Variants in CLYBL observed in about 807,000 individuals in gnomAD.
The protein encoded by CLYBL is citramalyl-CoA lyase, also known as citramalyl-CoA lyase, mitochondrial.
Under a neutral mutation model 38.9 loss-of-function variants are expected in CLYBL, and 31 were observed. The ratio of observed to expected loss-of-function variants is 0.80; its 90% CI spans 0.60 to 1.08. The LOEUF is 1.08. Among genes scored for constraint, CLYBL ranks in the 50% least tolerant of loss-of-function variants. CLYBL has a pLI of 0.00. For missense variants in CLYBL, 434 were observed against 411.6 expected, an observed-to-expected ratio of 1.05 and a Z score of -0.47; for synonymous variants, 171 against 158.6, an observed-to-expected ratio of 1.08 and a Z score of -0.59.
chr13:99,897,679 C>T (rs966091066), downstream of CLYBL, among the ~76,000 whole-genome samples: 6 of 152,228 alleles, frequency 3.9e-5, no homozygotes, highest in African/African-American at 1.2e-4. Context: ...GGTGCAGTGA[C>T]TTACGCCTGT....
At chr13:99,736,604 C>A (rs1421042269) in intron 1 of CLYBL, among the ~76,000 whole-genome samples, 2 of 152,058 alleles carry the variant, frequency 1.3e-5, no homozygotes, top group Admixed American at 6.6e-5. Flanking sequence ...AAAAAAAAAT[C>A]TGTGGTGCCA....
intron 1 of CLYBL, among the ~76,000 whole-genome samples, chr13:99,694,969 C>T (rs762911128): frequency 1.3e-5 from 2 of 152,136 alleles, no homozygotes; most frequent in African/African-American, 2.4e-5. Flanking sequence ...AATGGTTAAT[C>T]ATCATGGGGG....
chr13:99,757,485 C>T (rs1473436485), intron 1 of CLYBL, among the ~76,000 whole-genome samples: 1 of 151,878 alleles, frequency 6.6e-6, no homozygotes, highest in Non-Finnish European at 1.5e-5. Context: ...GATGGAGTTT[C>T]GCTGTTGTTG....
intron 2 of CLYBL, among the ~76,000 whole-genome samples, chr13:99,846,320 C>T (rs1393472435): frequency 6.6e-5 from 7 of 105,422 alleles, no homozygotes; most frequent in African/African-American, 1.7e-4. Context: ...GAGACGGGGT[C>T]TTACTCTGTC....
chr13:99,793,452 G>A (rs1369449616), intron 2 of CLYBL, among the ~76,000 whole-genome samples: 1 of 152,112 alleles, frequency 6.6e-6, no homozygotes, highest in East Asian at 1.9e-4. Context: ...AGGTCTTTTT[G>A]ATCCTTAAAG....
intron 1 of CLYBL, among the ~76,000 whole-genome samples, chr13:99,639,843 G>A (rs935710294): frequency 3.9e-5 from 6 of 152,200 alleles, no homozygotes; most frequent in Non-Finnish European, 8.8e-5. Flanking sequence ...GCTGCAGTGA[G>A]CCATGATTGT....
At chr13:99,802,358 A>G (rs9585228) in intron 2 of CLYBL, among the ~76,000 whole-genome samples, 29,668 of 152,040 alleles carry the variant, frequency 0.2, 4,070 homozygotes, top group East Asian at 0.38. Flanking sequence ...TTTTAATTTA[A>G]TAATTCCAAA....
intron 1 of CLYBL, among the ~76,000 whole-genome samples, chr13:99,641,197 T>C (rs533513199): frequency 3.9e-5 from 6 of 152,320 alleles, no homozygotes; most frequent in Admixed American, 6.5e-5. Context: ...CTCAATGATA[T>C]AAGTTTTTTG....
At chr13:99,668,296 A>T (rs2139353994) in intron 1 of CLYBL, among the ~76,000 whole-genome samples, 2 of 150,668 alleles carry the variant, frequency 1.3e-5, no homozygotes, top group South Asian at 4.2e-4. Flanking sequence ...TCTTTAATAG[A>T]ACACTGGCGG....
chr13:99,618,426 G>T (rs2046746841), intron 1 of CLYBL, among the ~76,000 whole-genome samples: 1 of 151,876 alleles, frequency 6.6e-6, no homozygotes, highest in Non-Finnish European at 1.5e-5. Context: ...CCGCCACCAC[G>T]CCTGGCTAAT....
At chr13:99,616,044 A>G (rs2046704204) in intron 1 of CLYBL, among the ~76,000 whole-genome samples, 1 of 150,336 alleles carries the variant, frequency 6.7e-6, no homozygotes, top group South Asian at 2.1e-4. Flanking sequence ...ATGGGGTTTC[A>G]CCATGTTGGT....
At position 99,809,993 on chromosome 13, in the gene CLYBL, G is replaced by T. The variant is rs149440191; in HGVS notation, c.249+36983G>T. Among the ~76,000 whole-genome samples, 38 of 152,340 alleles carry T rather than the reference G, an allele frequency of 2.5e-4. No individual in the cohort carries two copies. In the East Asian group the frequency reaches 7.1e-3, roughly 29 times the overall value. ...ACCTATGCCCAAGTTTTGCTGGCAA[G>T]TGGAAATGTCCATTCTACATTAGAA... On this transcript the variant is annotated intron_variant, in intron 2 of 8. Coordinates refer to ENST00000339105, the MANE Select transcript of CLYBL (RefSeq NM_206808.5).
chr13:99,706,020 C>T (rs1349871752), intron 1 of CLYBL, among the ~76,000 whole-genome samples: 1 of 151,972 alleles, frequency 6.6e-6, no homozygotes, highest in Non-Finnish European at 1.5e-5. Context: ...CAACCTCCGC[C>T]TCCTGGGCTC....
intron 2 of CLYBL, among the ~76,000 whole-genome samples, chr13:99,806,022 A>G (rs10454527): frequency 0.034 from 5,240 of 152,288 alleles, 118 homozygotes; most frequent in African/African-American, 0.05. Flanking sequence ...GATTGTCTTC[A>G]GTTTTTCACT....
At chr13:99,836,971 A>G (rs9517894) in intron 2 of CLYBL, among the ~76,000 whole-genome samples, 88,322 of 151,530 alleles carry the variant, frequency 0.58, 26,136 homozygotes, top group East Asian at 0.71. Flanking sequence ...GCACACCAAC[A>G]TGGCACATGT....
At chr13:99,726,896 C>T (rs913170490) in intron 1 of CLYBL, among the ~76,000 whole-genome samples, 83 of 152,160 alleles carry the variant, frequency 5.5e-4, no homozygotes, top group African/African-American at 1.6e-3. Context: ...CAGTGACTCA[C>T]GCCTGTAATC....
downstream of CLYBL, among the ~76,000 whole-genome samples, chr13:99,902,091 A>G (rs2052650373): frequency 6.6e-6 from 1 of 152,244 alleles, no homozygotes. Context: ...TTAACTTCAC[A>G]TCAAGTTTAC....
chr13:99,674,309 G>C (rs982515398), intron 1 of CLYBL, among the ~76,000 whole-genome samples: 3 of 151,686 alleles, frequency 2.0e-5, no homozygotes, highest in Admixed American at 6.6e-5. Flanking sequence ...GTGCCACCAT[G>C]CCTGGCTAAT....
chr13:99,711,451 C>T (rs1057267058), intron 1 of CLYBL, among the ~76,000 whole-genome samples: 5 of 147,428 alleles, frequency 3.4e-5, no homozygotes, highest in Non-Finnish European at 6.0e-5. Context: ...CTCTCGTTGC[C>T]CAGGCTAGAG....
Sources: gnomAD v4.1 joint callset for allele counts (sites outside exome capture counted in the v4.1 genomes callset) on GRCh38, gnomAD v4.1.1 for gene constraint, MANE v1.5 for transcripts, NCBI Gene and HGNC (gene_info 2026-07-23, HGNC 2026-07-21) for gene names.